TBC1D8: variants seen among roughly 807,000 people sequenced by gnomAD.
The protein encoded by TBC1D8 is TBC1 domain family member 8.
Under a neutral mutation model 118.8 loss-of-function variants are expected in TBC1D8, and 65 were observed. The ratio of observed to expected loss-of-function variants is 0.55; its 90% confidence interval spans 0.45 to 0.67. TBC1D8 has a LOEUF of 0.67. TBC1D8 is among the 30% of genes least tolerant of loss of function. TBC1D8 has a pLI of 0.00. For synonymous variants in TBC1D8, 566 were observed against 595.8 expected (o/e 0.95, Z 0.73); for missense variants, 1,376 against 1,471.2 (o/e 0.94, Z 1.06).
rs572039639 is a variant in TBC1D8, at chr2:101,074,948, C to T, written c.283+15261G>A. On this transcript the variant is annotated intron_variant, in intron 2 of 19. Transcript: ENST00000409318. ...TGTGGTCCCTAAATACCATTAAATA[C>T]GCATCATATATCAGTTAAATAATCA... Among the ~76,000 whole-genome samples the T allele has an allele frequency of 1.9e-4, 29 of 152,106 alleles. No individual in the cohort carries two copies. In the South Asian group the frequency reaches 3.7e-3, roughly 20 times the overall value.
chr2:101,008,520 A>C (rs1046801729), intron 19 of TBC1D8, among the ~76,000 whole-genome samples: 4 of 152,232 alleles, frequency 2.6e-5, no homozygotes, highest in African/African-American at 9.6e-5. Flanking sequence ...AAGCAATTCA[A>C]GAAACCACAG....
intron 1 of TBC1D8, among the ~76,000 whole-genome samples, chr2:101,140,763 T>A (rs1285310216): frequency 8.0e-4 from 37 of 46,146 alleles, no homozygotes; most frequent in African/African-American, 2.4e-3. Context: ...ATTACTACTT[T>A]TTTTTTTTTT....
chr2:101,107,362 A>G (rs1194755607), intron 1 of TBC1D8, among the ~76,000 whole-genome samples: 1 of 152,110 alleles, frequency 6.6e-6, no homozygotes, highest in East Asian at 1.9e-4. Flanking sequence ...AAAAGAGATA[A>G]GCATTTGAAT....
At chr2:101,125,312 T>A (rs1263647734) in intron 1 of TBC1D8, among the ~76,000 whole-genome samples, 1 of 151,954 alleles carries the variant, frequency 6.6e-6, no homozygotes, top group African/African-American at 2.4e-5. Flanking sequence ...AAAAAAAAAA[T>A]CACATTTTCC....
intron 16 of TBC1D8, 43 bp from the exon 17 acceptor site, chr2:101,021,789 A>G: frequency 7.7e-7 from 1 of 1,294,956 alleles, no homozygotes; most frequent in Non-Finnish European, 1.1e-6. Context: ...CAATGCTGAA[A>G]GTCCATTTGT....
intron 5 of TBC1D8, among the ~76,000 whole-genome samples, chr2:101,048,061 G>T (rs566334082): frequency 6.6e-6 from 1 of 152,130 alleles, no homozygotes; most frequent in South Asian, 2.1e-4. Context: ...GCAGGCCTCC[G>T]ACTCCTGCAA....
At chr2:101,054,436 C>T in intron 3 of TBC1D8, 100 bp from the exon 4 acceptor site, 1 of 1,211,314 alleles carries the variant, frequency 8.3e-7, no homozygotes, top group Admixed American at 2.2e-5. Context: ...GCACAGGCCC[C>T]CGAGAAGTGT....
chr2:101,120,359 G>A (rs1678046056), intron 1 of TBC1D8, among the ~76,000 whole-genome samples: 1 of 152,196 alleles, frequency 6.6e-6, no homozygotes, highest in Non-Finnish European at 1.5e-5. Flanking sequence ...AATCCTGCCT[G>A]AGCTCTGGAA....
At chr2:101,140,160 G>A (rs1317576106) in intron 1 of TBC1D8, among the ~76,000 whole-genome samples, 1 of 152,080 alleles carries the variant, frequency 6.6e-6, no homozygotes, top group Non-Finnish European at 1.5e-5. Flanking sequence ...ACCCTACAAA[G>A]AGTGGGTTAT....
intron 4 of TBC1D8, among the ~76,000 whole-genome samples, chr2:101,053,305 G>A (rs2105415527): frequency 6.6e-6 from 1 of 152,320 alleles, no homozygotes; most frequent in South Asian, 2.1e-4. Flanking sequence ...GAAGGGCTGT[G>A]CAGATAGGGT....
In TBC1D8 at chr2:101,028,256, G is replaced by A. The variant is rs534603375; in HGVS notation, c.2352+47C>T. On this transcript the variant is annotated intron_variant, in intron 13 of 19. Coordinates refer to ENST00000409318, the MANE Select transcript of TBC1D8 (RefSeq NM_001330348.2). ...CATCCATCCCCCAGTCACAATTCCC[G>A]GGGGGTTAGGGGCTGCAACGGGGCA... 5.1e-5 allele frequency: 81 copies of A among 1,586,492 alleles called. No homozygotes were observed. The East Asian group carries it at 6.4e-4, about 12-fold the overall frequency.
At chr2:101,115,951 C>T (rs1353406700) in intron 1 of TBC1D8, among the ~76,000 whole-genome samples, 1 of 152,164 alleles carries the variant, frequency 6.6e-6, no homozygotes, top group Non-Finnish European at 1.5e-5. Context: ...AGGCTGACAA[C>T]ATAAAAGGAT....
intron 3 of TBC1D8, among the ~76,000 whole-genome samples, chr2:101,054,723 C>T (rs1252135216): frequency 1.9e-5 from 2 of 106,458 alleles, no homozygotes; most frequent in South Asian, 3.4e-4. Context: ...GTTCTTGTTG[C>T]CCAGGCTGGA....
chr2:101,028,221 C>T (rs1680454614), intron 13 of TBC1D8, 75 bp from the exon 14 acceptor site: 1 of 1,598,288 alleles, frequency 6.3e-7, no homozygotes, highest in African/African-American at 1.3e-5. Context: ...GGCCCAGGAA[C>T]CTCCTTCCAC....
At chr2:101,123,172 G>A (rs1391622964) in intron 1 of TBC1D8, among the ~76,000 whole-genome samples, 1 of 152,088 alleles carries the variant, frequency 6.6e-6, no homozygotes, top group Non-Finnish European at 1.5e-5. Flanking sequence ...AGGAATTCCA[G>A]TCCACAGTGA....
chr2:101,073,717 C>G (rs1225228598), intron 2 of TBC1D8, among the ~76,000 whole-genome samples: 1 of 152,312 alleles, frequency 6.6e-6, no homozygotes, highest in Middle Eastern at 3.4e-3. Context: ...TCACCTTGTA[C>G]TTTTATGTTA....
chr2:101,098,746 A>C (rs1049231223), intron 1 of TBC1D8, among the ~76,000 whole-genome samples: 3 of 152,210 alleles, frequency 2.0e-5, no homozygotes, highest in Non-Finnish European at 4.4e-5. Flanking sequence ...GAAATTGAAC[A>C]ATCTGTTCCT....
At chr2:101,054,045 G>A (rs1176890682) in intron 4 of TBC1D8, 63 bp downstream of exon 4, 77 of 1,452,902 alleles carry the variant, frequency 5.3e-5, no homozygotes, top group Middle Eastern at 2.4e-4. Flanking sequence ...GGCCCTTCCT[G>A]GGAGCAGCGC....
intron 1 of TBC1D8, among the ~76,000 whole-genome samples, chr2:101,109,148 G>A (rs1179717896): frequency 6.6e-6 from 1 of 152,150 alleles, no homozygotes. Flanking sequence ...CCAGGGTTGG[G>A]GTGGGGGAGT....
Sources: allele counts gnomAD v4.1 joint callset (sites outside exome capture counted in the v4.1 genomes callset), GRCh38; gene constraint gnomAD v4.1.1; transcripts MANE v1.5; gene names NCBI Gene and HGNC (gene_info 2026-07-23, HGNC 2026-07-21).